The following EPHA6 variants were observed in gnomAD, a reference collection of about 807,000 sequenced individuals.
EPHA6 encodes the protein ephrin type-A receptor 6.
Under a neutral mutation model 112.0 loss-of-function variants are expected in EPHA6, and 50 were observed. That is an observed-to-expected ratio of 0.45 (90% CI 0.36 to 0.56). The LOEUF is 0.56. Among genes scored for constraint, EPHA6 ranks in the 20% least tolerant of loss-of-function variants. The probability of loss-of-function intolerance (pLI) is 0.00; values close to 1 mark genes in which losing one functional copy is unlikely to be tolerated. For synonymous variants in EPHA6, 529 were observed against 490.7 expected, an observed-to-expected ratio of 1.08 and a Z score of -1.03; for missense variants, 1,280 against 1,417.4, an observed-to-expected ratio of 0.90 and a Z score of 1.56.
At chr3:97,246,866 G>T (rs1009280696) in intron 5 of EPHA6, among the ~76,000 whole-genome samples, 1 of 151,836 alleles carries the variant, frequency 6.6e-6, no homozygotes, top group Non-Finnish European at 1.5e-5. Context: ...AGATACTCCA[G>T]GTAAGGGTAA....
Position 96,934,287 on chromosome 3 carries a change from A to G in EPHA6, c.451-53043A>G, listed in dbSNP as rs566400487. ...TTCTATCAGATTTTTTTCCTTGCAG[A>G]TCTAATCTTCATTTCTGTTTTTAGA... On this transcript the variant is annotated intron_variant, in intron 2 of 17. Coordinates refer to ENST00000389672, the MANE Select transcript of EPHA6 (RefSeq NM_001080448.3). 4.0e-5 allele frequency among the ~76,000 whole-genome samples: 6 copies of G among 151,716 alleles called. No individual in the cohort carries two copies. In the East Asian group the frequency reaches 5.8e-4, roughly 15 times the overall value.
At chr3:97,397,742 C>T (rs971344273) in intron 5 of EPHA6, among the ~76,000 whole-genome samples, 3 of 151,392 alleles carry the variant, frequency 2.0e-5, no homozygotes, top group African/African-American at 7.3e-5. Flanking sequence ...GAAATTTCAA[C>T]ATTAGAGGAA....
intron 10 of EPHA6, among the ~76,000 whole-genome samples, chr3:97,506,736 A>G (rs1359792806): frequency 1.3e-5 from 2 of 152,198 alleles, no homozygotes; most frequent in Non-Finnish European, 2.9e-5. Flanking sequence ...TGGGGATAAC[A>G]TTGAATCTAT....
At chr3:97,074,337 T>C (rs1348077832) in intron 3 of EPHA6, among the ~76,000 whole-genome samples, 2 of 152,030 alleles carry the variant, frequency 1.3e-5, no homozygotes, top group African/African-American at 4.8e-5. Context: ...TTGATACATA[T>C]TTTTAATTTA....
At chr3:97,232,305 A>G (rs1218673736) in intron 4 of EPHA6, among the ~76,000 whole-genome samples, 13 of 152,370 alleles carry the variant, frequency 8.5e-5, no homozygotes, top group Admixed American at 5.2e-4. Flanking sequence ...TGGGTGCTAC[A>G]TAAATGCTTG....
At chr3:97,231,838 C>G in intron 4 of EPHA6, among the ~76,000 whole-genome samples, 1 of 152,100 alleles carries the variant, frequency 6.6e-6, no homozygotes, top group Non-Finnish European at 1.5e-5. Context: ...GACTTATAGT[C>G]GTTTCTTTTT....
chr3:97,733,268 G>C (rs2035117316), intron 15 of EPHA6, among the ~76,000 whole-genome samples: 1 of 151,996 alleles, frequency 6.6e-6, no homozygotes, highest in African/African-American at 2.4e-5. Flanking sequence ...CAAGAAGCTG[G>C]GTTTTGGTCA....
At chr3:97,056,784 C>A (rs372921394) in intron 3 of EPHA6, among the ~76,000 whole-genome samples, 1 of 152,234 alleles carries the variant, frequency 6.6e-6, no homozygotes, top group South Asian at 2.1e-4. Flanking sequence ...TCTTCCATTT[C>A]TCTGTAAAGT....
chr3:96,927,820 C>T (rs533302368), intron 2 of EPHA6, among the ~76,000 whole-genome samples: 5 of 152,242 alleles, frequency 3.3e-5, no homozygotes, highest in Admixed American at 1.3e-4. Flanking sequence ...TTCCTGTATT[C>T]GTCCATTTTC....
chr3:97,118,736 C>A (rs910032840), intron 3 of EPHA6, among the ~76,000 whole-genome samples: 2 of 151,850 alleles, frequency 1.3e-5, no homozygotes, highest in South Asian at 4.1e-4. Flanking sequence ...CTTAACTTCC[C>A]TAATATTCAA....
chr3:97,554,345 T>A (rs1290038414), intron 11 of EPHA6, among the ~76,000 whole-genome samples: 2 of 152,066 alleles, frequency 1.3e-5, no homozygotes, highest in South Asian at 2.1e-4. Flanking sequence ...TAAAGGTTTG[T>A]AGACACATTT....
At chr3:97,419,737 AC>A (rs1419268742) in intron 6 of EPHA6, among the ~76,000 whole-genome samples, 2 of 152,186 alleles carry the variant, frequency 1.3e-5, no homozygotes, top group Non-Finnish European at 2.9e-5. Context: ...AAATAAAAAA[AC>A]AAAGACAAAA....
At chr3:97,314,574 A>G (rs1433279635) in intron 5 of EPHA6, among the ~76,000 whole-genome samples, 1 of 151,710 alleles carries the variant, frequency 6.6e-6, no homozygotes, top group East Asian at 1.9e-4. Flanking sequence ...TGAAACCACC[A>G]GCATCCACTA....
At chr3:96,818,990 A>C (rs1287478815) in intron 1 of EPHA6, among the ~76,000 whole-genome samples, 1 of 151,940 alleles carries the variant, frequency 6.6e-6, no homozygotes, top group African/African-American at 2.4e-5. Context: ...TTAGCATCCA[A>C]AGTACAAAGA....
chr3:97,675,785 G>T (rs1048124357), intron 14 of EPHA6, among the ~76,000 whole-genome samples: 3 of 152,040 alleles, frequency 2.0e-5, no homozygotes, highest in African/African-American at 7.2e-5. Context: ...GACTATCATA[G>T]ATGTCAGCCT....
chr3:97,692,362 C>T (rs1283800706), intron 14 of EPHA6, among the ~76,000 whole-genome samples: 3 of 152,012 alleles, frequency 2.0e-5, no homozygotes, highest in Non-Finnish European at 4.4e-5. Context: ...TGTAATAAAC[C>T]TTTTGCAAAT....
At chr3:97,598,792 G>A (rs1459189324) in intron 12 of EPHA6, among the ~76,000 whole-genome samples, 3 of 151,706 alleles carry the variant, frequency 2.0e-5, no homozygotes, top group Non-Finnish European at 2.9e-5. Context: ...GTAATGGGAT[G>A]GCTGGGTCAA....
At chr3:96,914,509 C>G (rs888479375) in intron 2 of EPHA6, among the ~76,000 whole-genome samples, 1 of 152,058 alleles carries the variant, frequency 6.6e-6, no homozygotes, top group African/African-American at 2.4e-5. Context: ...AAAATTAATT[C>G]CAGCTCTTGA....
At chr3:97,125,641 T>A (rs1037624821) in intron 3 of EPHA6, among the ~76,000 whole-genome samples, 4 of 152,216 alleles carry the variant, frequency 2.6e-5, no homozygotes, top group Admixed American at 6.5e-5. Context: ...TATTCTCTCC[T>A]TCTTCCAAGA....
Sources: gnomAD v4.1 joint callset for allele counts (sites outside exome capture counted in the v4.1 genomes callset) on GRCh38, gnomAD v4.1.1 for gene constraint, MANE v1.5 for transcripts, NCBI Gene and HGNC (gene_info 2026-07-23, HGNC 2026-07-21) for gene names.